The following DROSHA variants were observed in gnomAD, a reference collection of about 807,000 sequenced individuals.
The protein encoded by DROSHA is ribonuclease 3.
DROSHA carries 56 observed loss-of-function variants against 181.9 expected under a neutral mutation model. The ratio of observed to expected loss-of-function variants is 0.31; its 90% CI spans 0.25 to 0.38. DROSHA has a LOEUF of 0.38. Ranked by LOEUF, DROSHA falls within the 10% of genes least tolerant of loss-of-function variation. DROSHA has a pLI of 1.00. For missense variants in DROSHA, 1,218 were observed against 1,743.5 expected (o/e 0.70, Z 5.37); for synonymous variants, 524 against 591.2 (o/e 0.89, Z 1.65).
chr5:31,424,545 A>G, intron 27 of DROSHA, 74 bp from the exon 28 acceptor site: 2 of 1,474,692 alleles, frequency 1.4e-6, no homozygotes, highest in Non-Finnish European at 1.8e-6. Flanking sequence ...ATAAAATGTC[A>G]TTATTTGAAA....
At chr5:31,478,393 G>A (rs957087079) in intron 16 of DROSHA, among the ~76,000 whole-genome samples, 4 of 152,256 alleles carry the variant, frequency 2.6e-5, no homozygotes, top group African/African-American at 7.2e-5. Flanking sequence ...TGGGCCATAT[G>A]TGGCCCATGG....
chr5:31,415,158 T>C (rs906378285), intron 30 of DROSHA, among the ~76,000 whole-genome samples: 8 of 152,226 alleles, frequency 5.3e-5, no homozygotes, highest in African/African-American at 1.9e-4. Flanking sequence ...AAGTTCCCAA[T>C]TTCACTCTTG....
chr5:31,420,254 C>T (rs1377433827), intron 30 of DROSHA, among the ~76,000 whole-genome samples: 1 of 152,188 alleles, frequency 6.6e-6, no homozygotes, highest in African/African-American at 2.4e-5. Context: ...TTTGCTTCAA[C>T]ATACTAAAGA....
At chr5:31,407,056 T>C (rs1190114904) in intron 33 of DROSHA, 111 bp from the exon 34 acceptor site, 6 of 720,096 alleles carry the variant, frequency 8.3e-6, no homozygotes, top group South Asian at 4.0e-5. Context: ...TTAAGTAAAA[T>C]AACAGGAAAT....
At chr5:31,518,470 A>G (rs998899703) in intron 6 of DROSHA, among the ~76,000 whole-genome samples, 2 of 152,190 alleles carry the variant, frequency 1.3e-5, no homozygotes, top group African/African-American at 4.8e-5. Context: ...TTATTTGTTA[A>G]TAACTTTCCA....
Position 31,468,053 on chromosome 5 carries a change from G to C in DROSHA, c.2252C>G (p.Ser751Cys). 1 of 1,610,702 alleles carries C rather than the reference G, an allele frequency of 6.2e-7. No individual in the cohort carries two copies. Among genetic ancestry groups the C allele is most frequent in the Non-Finnish European group, 8.5e-7 (1 of 1,178,332 alleles). Residue 751 changes from serine (S) to cysteine (C), a missense_variant, in exon 18 of 36, where the codon TCT becomes TGT. This residue lies in a region of DROSHA where 460 missense variants were observed against 774.2 expected (regional missense o/e 0.59). Coordinates refer to ENST00000344624, the MANE Select transcript of DROSHA (RefSeq NM_001382508.1). ...IVTNPGTKPS[S>C]VRIDQLDREQ... ...ACGATCCAGTTGATCGATACGGACA[G>C]AGCTTGGTTTCTAGAGAGAAAAATC...
At chr5:31,431,765 G>T in intron 25 of DROSHA, 87 bp from the exon 26 acceptor site, 2 of 1,240,768 alleles carry the variant, frequency 1.6e-6, no homozygotes, top group Non-Finnish European at 2.3e-6. Context: ...GAGAGTTGGT[G>T]CGGAGACGAG....
At chr5:31,525,101 G>T (rs1740364409) in intron 5 of DROSHA, among the ~76,000 whole-genome samples, 1 of 151,556 alleles carries the variant, frequency 6.6e-6, no homozygotes, top group Non-Finnish European at 1.5e-5. Flanking sequence ...GAGGCCGAGG[G>T]GGGCTGATCA....
At chr5:31,513,247 C>A (rs761569187) in intron 8 of DROSHA, among the ~76,000 whole-genome samples, 1 of 152,146 alleles carries the variant, frequency 6.6e-6, no homozygotes, top group Non-Finnish European at 1.5e-5. Context: ...GCCTGCTAGT[C>A]CTGCATCATC....
At chr5:31,530,958 C>G (rs1741247795) in intron 2 of DROSHA, 34 bp from the exon 3 acceptor site, 1 of 397,874 alleles carries the variant, frequency 2.5e-6, no homozygotes, top group African/African-American at 2.1e-5. Flanking sequence ...AATGTTTACT[C>G]TCTCACCAAT....
chr5:31,473,905 A>C (rs1750051592), intron 16 of DROSHA, among the ~76,000 whole-genome samples: 1 of 152,190 alleles, frequency 6.6e-6, no homozygotes, highest in South Asian at 2.1e-4. Flanking sequence ...ACAAAGCTTT[A>C]CCGCTCATTA....
intron 9 of DROSHA, among the ~76,000 whole-genome samples, chr5:31,510,393 C>T (rs182466954): frequency 1.9e-3 from 287 of 152,292 alleles, no homozygotes; most frequent in Admixed American, 4.1e-3. Context: ...TGCCTCTCAG[C>T]GTGTGGGATG....
intron 35 of DROSHA, among the ~76,000 whole-genome samples, chr5:31,401,770 CT>C (rs1221429212): frequency 6.6e-6 from 1 of 152,066 alleles, no homozygotes; most frequent in Non-Finnish European, 1.5e-5. Context: ...ATGAGTGCCC[CT>C]GATTGTAAAT....
intron 16 of DROSHA, among the ~76,000 whole-genome samples, chr5:31,477,694 T>C (rs1750559296): frequency 6.6e-6 from 1 of 152,188 alleles, no homozygotes; most frequent in South Asian, 2.1e-4. Context: ...AAGCAATGAG[T>C]AGGCTTTCCC....
At chr5:31,506,270 G>A (rs1737930821) in intron 10 of DROSHA, among the ~76,000 whole-genome samples, 1 of 151,778 alleles carries the variant, frequency 6.6e-6, no homozygotes, top group Admixed American at 6.6e-5. Context: ...GCTGAGGCAG[G>A]GAGAATTGCT....
At chr5:31,466,807 G>C (rs1340189027) in intron 18 of DROSHA, among the ~76,000 whole-genome samples, 1 of 152,148 alleles carries the variant, frequency 6.6e-6, no homozygotes, top group Non-Finnish European at 1.5e-5. Context: ...GAGGATAAAA[G>C]ACTAATGGTG....
chr5:31,530,748 T>A (rs1035910943), intron 3 of DROSHA, 50 bp downstream of exon 3: 22 of 388,976 alleles, frequency 5.7e-5, no homozygotes, highest in African/African-American at 4.6e-4. Context: ...CCTTAGGTAA[T>A]CCCATTCCCT....
At chr5:31,526,944 T>A in intron 4 of DROSHA, 32 bp from the exon 5 acceptor site, 1 of 1,581,954 alleles carries the variant, frequency 6.3e-7, no homozygotes, top group Non-Finnish European at 8.6e-7. Context: ...GGGAAAAGTT[T>A]TTTTAAAAAA....
intron 23 of DROSHA, among the ~76,000 whole-genome samples, chr5:31,443,861 T>C (rs1003736329): frequency 4.6e-5 from 7 of 152,176 alleles, no homozygotes; most frequent in Admixed American, 1.3e-4. Flanking sequence ...ACGAATGGCA[T>C]TCCTTCCTTT....
Sources: allele counts gnomAD v4.1 joint callset (sites outside exome capture counted in the v4.1 genomes callset), GRCh38; gene constraint gnomAD v4.1.1; regional missense constraint gnomAD v4.1.1; transcripts MANE v1.5; gene names NCBI Gene and HGNC (gene_info 2026-07-23, HGNC 2026-07-21).